Variants in ACSBG1 observed in about 807,000 individuals in gnomAD.
ACSBG1 encodes the protein acyl-CoA synthetase bubblegum family member 1, also known as long-chain-fatty-acid--CoA ligase ACSBG1.
ACSBG1 carries 39 observed loss-of-function variants against 80.2 expected under a neutral mutation model. That is an observed-to-expected ratio of 0.49 (90% CI 0.38 to 0.64). ACSBG1 has a LOEUF of 0.64. Ranked by LOEUF, ACSBG1 falls within the 30% of genes least tolerant of loss-of-function variation. ACSBG1 has a pLI of 0.00. For missense variants in ACSBG1, 828 were observed against 966.4 expected, an observed-to-expected ratio of 0.86 and a Z score of 1.90; for synonymous variants, 392 against 379.5, an observed-to-expected ratio of 1.03 and a Z score of -0.38.
intron 1 of ACSBG1, among the ~76,000 whole-genome samples, chr15:78,231,506 G>C (rs921606761): frequency 1.3e-5 from 2 of 151,976 alleles, no homozygotes; most frequent in Non-Finnish European, 2.9e-5. Context: ...GGCTGGTCTC[G>C]AACTCCTGGG....
chr15:78,215,654 A>T (rs1188412710), intron 1 of ACSBG1, among the ~76,000 whole-genome samples: 7 of 151,728 alleles, frequency 4.6e-5, no homozygotes, highest in Non-Finnish European at 1.0e-4. Context: ...AAAACTTCGA[A>T]AAAGAAAGAA....
intron 2 of ACSBG1, among the ~76,000 whole-genome samples, chr15:78,199,550 A>G (rs1319848349): frequency 6.6e-6 from 1 of 152,078 alleles, no homozygotes; most frequent in Non-Finnish European, 1.5e-5. Context: ...ATCTCTACAA[A>G]AATTTATCCA....
chr15:78,176,768 A>T (rs960978115), intron 11 of ACSBG1, among the ~76,000 whole-genome samples: 2 of 151,848 alleles, frequency 1.3e-5, no homozygotes, highest in African/African-American at 4.8e-5. Flanking sequence ...CTACAAAAAT[A>T]AAAAATTAGC....
At chr15:78,219,143 C>A (rs887968835) in intron 1 of ACSBG1, among the ~76,000 whole-genome samples, 1 of 152,130 alleles carries the variant, frequency 6.6e-6, no homozygotes, top group Non-Finnish European at 1.5e-5. Context: ...TATGCACTGC[C>A]TGAATTTAGG....
At chr15:78,224,762 T>G (rs1367903208) in intron 1 of ACSBG1, among the ~76,000 whole-genome samples, 1 of 152,144 alleles carries the variant, frequency 6.6e-6, no homozygotes, top group Non-Finnish European at 1.5e-5. Flanking sequence ...CACTTGTCCC[T>G]GATGGAAACA....
intron 2 of ACSBG1, among the ~76,000 whole-genome samples, chr15:78,203,248 A>G (rs28604437): frequency 0.023 from 3,546 of 152,264 alleles, 139 homozygotes; most frequent in African/African-American, 0.079. Flanking sequence ...CCCATGCCCA[A>G]ACTAAGATCA....
intron 1 of ACSBG1, among the ~76,000 whole-genome samples, chr15:78,222,020 ATC>A (rs1316461931): frequency 6.6e-6 from 1 of 152,162 alleles, no homozygotes; most frequent in Admixed American, 6.5e-5. Context: ...TAACAATCTG[ATC>A]TCTCTCTTTT....
chr15:78,203,455 A>C (rs185109523), intron 2 of ACSBG1, among the ~76,000 whole-genome samples: 12 of 152,328 alleles, frequency 7.9e-5, no homozygotes, highest in Non-Finnish European at 4.4e-5. Flanking sequence ...ACCAAGTGCC[A>C]AGTCAGCTGA....
chr15:78,181,423 G>A (rs1044847074), intron 8 of ACSBG1, among the ~76,000 whole-genome samples: 6 of 151,424 alleles, frequency 4.0e-5, no homozygotes, highest in Admixed American at 2.0e-4. Flanking sequence ...GAGGATGCCC[G>A]TCCTTGATCG....
intron 2 of ACSBG1, among the ~76,000 whole-genome samples, chr15:78,202,447 G>T (rs904331141): frequency 2.6e-5 from 4 of 152,094 alleles, no homozygotes; most frequent in African/African-American, 9.7e-5. Flanking sequence ...CTGACCTCAT[G>T]ATCTGCCCAC....
chr15:78,178,837 G>C lies in ACSBG1; in HGVS notation c.1485-6C>G, dbSNP rs751855572. The C allele has an allele frequency of 2.5e-6, 4 of 1,604,950 alleles. No individual in the cohort carries two copies. Among genetic ancestry groups the C allele is most frequent in the Non-Finnish European group, 3.4e-6 (4 of 1,177,666 alleles). On this transcript the variant is annotated splice_region_variant and splice_polypyrimidine_tract_variant and intron_variant, in intron 10 of 13. Coordinates refer to ENST00000258873, the MANE Select transcript of ACSBG1 (RefSeq NM_015162.5). The surrounding 1 kb of genome is among the most constrained non-coding windows in gnomAD (Gnocchi z 4.3). ...CGGGCACCAACTTGCCTGAGCTGGC[G>C]AGGGAGGGGCCGGGAGACTGGTCAG...
intron 2 of ACSBG1, among the ~76,000 whole-genome samples, chr15:78,199,774 G>A (rs540133426): frequency 2.1e-4 from 32 of 151,942 alleles, no homozygotes; most frequent in Middle Eastern, 6.8e-3. Context: ...TGGGATTACA[G>A]GTGTGAGCCA....
At chr15:78,220,175 C>A (rs972328454) in intron 1 of ACSBG1, among the ~76,000 whole-genome samples, 1 of 152,178 alleles carries the variant, frequency 6.6e-6, no homozygotes, top group Non-Finnish European at 1.5e-5. Flanking sequence ...ATTCAGAAAT[C>A]AACTCACATT....
intron 2 of ACSBG1, among the ~76,000 whole-genome samples, chr15:78,197,719 TAAAAAAAAAAA>T (rs746712543): frequency 3.9e-5 from 4 of 103,348 alleles, no homozygotes; most frequent in East Asian, 2.9e-4. Flanking sequence ...ACTCTGTCTT[TAAAAAAAAAAA>T]AAAAAAAAAA....
intron 5 of ACSBG1, among the ~76,000 whole-genome samples, chr15:78,184,527 G>T (rs1027280043): frequency 6.6e-6 from 1 of 151,934 alleles, no homozygotes; most frequent in Non-Finnish European, 1.5e-5. Flanking sequence ...AAAATTATTT[G>T]ATATATACTG....
chr15:78,181,090 T>G, intron 8 of ACSBG1, 154 bp from the exon 9 acceptor site: 1 of 875,436 alleles, frequency 1.1e-6, no homozygotes, highest in Non-Finnish European at 1.7e-6. Flanking sequence ...GTTTCCTCAA[T>G]GGCTGTCGCC....
At chr15:78,171,554 A>T (rs1467106576) in intron 13 of ACSBG1, 25 bp from the exon 14 acceptor site, 1 of 1,585,018 alleles carries the variant, frequency 6.3e-7, no homozygotes, top group East Asian at 2.2e-5. Flanking sequence ...AGAAGAAATG[A>T]GTGAGGCCCA....
At chr15:78,204,573 C>T (rs756585955) in intron 2 of ACSBG1, among the ~76,000 whole-genome samples, 2 of 152,184 alleles carry the variant, frequency 1.3e-5, no homozygotes, top group African/African-American at 2.4e-5. Flanking sequence ...TCTCTGAGGA[C>T]CCCCAGAGGT....
intron 5 of ACSBG1, among the ~76,000 whole-genome samples, chr15:78,189,969 T>TA (rs896322273): frequency 7.3e-5 from 11 of 150,812 alleles, no homozygotes; most frequent in African/African-American, 1.5e-4. Context: ...TACAAATCTT[T>TA]AAAAAAAAAG....
Sources: gnomAD v4.1 joint callset for allele counts (sites outside exome capture counted in the v4.1 genomes callset) on GRCh38, gnomAD v4.1.1 for gene constraint, Gnocchi (gnomAD v3.1) non-coding constraint, MANE v1.5 for transcripts, NCBI Gene and HGNC (gene_info 2026-07-23, HGNC 2026-07-21) for gene names.